CHD1: variants seen among roughly 807,000 people sequenced by gnomAD.
CHD1 encodes the protein chromodomain helicase DNA binding protein 1.
In CHD1, 36 loss-of-function variants were observed where a neutral mutation model predicts 224.2. The ratio of observed to expected loss-of-function variants is 0.16; its 90% CI spans 0.12 to 0.21. CHD1 has a LOEUF of 0.21. Among genes scored for constraint, CHD1 ranks in the 10% least tolerant of loss-of-function variants. CHD1 has a pLI of 1.00. For missense variants in CHD1, 1,378 were observed against 1,994.8 expected, an observed-to-expected ratio of 0.69 and a Z score of 5.89; for synonymous variants, 668 against 658.3, an observed-to-expected ratio of 1.01 and a Z score of -0.23.
At chr5:98,926,249 T>G in intron 2 of CHD1, 85 bp downstream of exon 2, 1 of 854,620 alleles carries the variant, frequency 1.2e-6, no homozygotes, top group East Asian at 2.8e-5. Context: ...TGAGGAAAAC[T>G]AAATAACAAC....
At chr5:98,887,242 T>C (rs1300604416) in intron 17 of CHD1, among the ~76,000 whole-genome samples, 1 of 152,180 alleles carries the variant, frequency 6.6e-6, no homozygotes, top group Non-Finnish European at 1.5e-5. Context: ...TTCTCAATGA[T>C]ATTCCTATCA....
chr5:98,878,180 G>C (rs1323221810), intron 23 of CHD1, among the ~76,000 whole-genome samples: 1 of 152,116 alleles, frequency 6.6e-6, no homozygotes, highest in Admixed American at 6.5e-5. Flanking sequence ...ACTTTGCCAC[G>C]AACTTCCACC....
chr5:98,885,465 C>T (rs1269827462), intron 18 of CHD1, 113 bp downstream of exon 18: 2 of 719,408 alleles, frequency 2.8e-6, no homozygotes, highest in Non-Finnish European at 4.7e-6. Context: ...GTGGCTAACA[C>T]CACTCTTTTT....
intron 2 of CHD1, among the ~76,000 whole-genome samples, chr5:98,907,867 T>A (rs1362965541): frequency 1.3e-5 from 2 of 151,968 alleles, no homozygotes; most frequent in African/African-American, 4.8e-5. Context: ...ATTACGTAAA[T>A]GTTTTACATG....
chr5:98,906,254 G>A (rs1404027495), intron 2 of CHD1, among the ~76,000 whole-genome samples: 1 of 152,092 alleles, frequency 6.6e-6, no homozygotes, highest in Non-Finnish European at 1.5e-5. Flanking sequence ...TGTATTCATA[G>A]AAACAGTAAA....
chr5:98,911,350 G>C (rs762194077), intron 2 of CHD1, among the ~76,000 whole-genome samples: 58 of 151,742 alleles, frequency 3.8e-4, no homozygotes, highest in Middle Eastern at 3.4e-3. Flanking sequence ...CAGACACACA[G>C]AGGAGGGCTC....
At position 98,875,098 on chromosome 5, in the gene CHD1, A is replaced by G; in HGVS notation, c.3414T>C (p.Tyr1138=). The G allele has an allele frequency of 2.6e-6, 4 of 1,512,360 alleles. No homozygotes were observed. Among genetic ancestry groups the G allele is most frequent in the Non-Finnish European group, 3.7e-6 (4 of 1,094,076 alleles). 93.7% of individuals were successfully genotyped at this position (1,512,360 alleles called of 1,614,324 possible). The change falls in exon 25 of 36, where the codon TAT becomes TAC. Residue 1138 remains tyrosine, a synonymous_variant. Coordinates refer to ENST00000614616, the MANE Select transcript of CHD1 (RefSeq NM_001270.4). ...TTTCCAGAGGACCACCAAATTTCTT[A>G]TAGCTCTTGATAAACCTAAGAGAAA... is the stretch of plus-strand genomic sequence containing the variant. ...DAEIRRFIKS[Y]KKFGGPLERL...
intron 2 of CHD1, among the ~76,000 whole-genome samples, chr5:98,921,291 C>G (rs562944455): frequency 3.3e-5 from 5 of 152,290 alleles, no homozygotes; most frequent in Admixed American, 3.3e-4. Flanking sequence ...TAGTCCTGCT[C>G]AAGACACAAT....
chr5:98,859,864 A>T, intron 33 of CHD1, 108 bp downstream of exon 33: 1 of 572,544 alleles, frequency 1.7e-6, no homozygotes, highest in South Asian at 2.6e-5. Context: ...GTGATTTTTT[A>T]AATTTATCTT....
intron 32 of CHD1, 36 bp downstream of exon 32, chr5:98,863,372 A>G (rs762002945): frequency 7.9e-7 from 1 of 1,260,484 alleles, no homozygotes; most frequent in East Asian, 2.6e-5. Context: ...GTTATATAAT[A>G]TAAATTTAAC....
At chr5:98,888,044 G>T (rs1312819876) in intron 17 of CHD1, 44 bp downstream of exon 17, 1 of 1,290,178 alleles carries the variant, frequency 7.8e-7, no homozygotes, top group Non-Finnish European at 1.1e-6. Flanking sequence ...ATATGCACAG[G>T]AATTAGATAA....
chr5:98,859,004 A>T lies in CHD1; in HGVS notation c.4536T>A (p.Asp1512Glu). ...CGTGAGGATTCAAGTTGCTGTTTTGATCACTGTTTTGCTAAAATAAATGCA... is the reference window on the plus strand; with the variant it reads ...CGTGAGGATTCAAGTTGCTGTTTTGTTCACTGTTTTGCTAAAATAAATGCA... ...KKRQESQQNSDQNSNLNPHVI... is the reference protein window; with the variant it reads ...KKRQESQQNSEQNSNLNPHVI... Residue 1512 changes from aspartate (D) to glutamate (E), a missense_variant, in exon 34 of 36, where the codon GAT (aspartate) becomes GAA (glutamate). Around this residue, in one of 16 missense-constraint regions of CHD1, gnomAD observed 278 missense variants for 298.5 expected, o/e 0.93. Coordinates refer to ENST00000614616, the MANE Select transcript of CHD1 (RefSeq NM_001270.4). 6.3e-7 allele frequency: 1 copy of T among 1,578,524 alleles called. No individual in the cohort carries two copies. The highest frequency in any genetic ancestry group is 8.6e-7 in the Non-Finnish European group (1 of 1,168,374).
chr5:98,868,991 A>AT (rs113250395), intron 30 of CHD1: 66,492 of 815,022 alleles, frequency 0.082, 3,953 homozygotes, highest in African/African-American at 0.27. Flanking sequence ...TACTTTCTAC[A>AT]TTTTTTATTA....
rs1197124542 is a variant in CHD1 at position 98,898,434 on chromosome 5, G to A, written c.1187C>T (p.Ala396Val). 73 of 1,557,194 alleles carry A rather than the reference G, an allele frequency of 4.7e-5. No homozygotes were observed. The highest frequency in any genetic ancestry group is 5.9e-5 in the Non-Finnish European group (69 of 1,160,530). ...KQYQIVERII[A>V]HSNQKSAAGY... ...AGCTGCTGACTTTTGATTGGAATGA[G>A]CTGTGAGAGAATCAGGCATTTACTT... The change falls in exon 10 of 36, where the codon GCT (alanine) becomes GTT (valine). Residue 396 changes from alanine to valine, a missense_variant and splice_region_variant. This residue lies in a region of CHD1 where 13 missense variants were observed against 23.3 expected (regional missense o/e 0.56). Coordinates refer to ENST00000614616, the MANE Select transcript of CHD1 (RefSeq NM_001270.4).
At chr5:98,876,697 G>A (rs948767247) in intron 23 of CHD1, 139 bp from the exon 24 acceptor site, 1 of 699,720 alleles carries the variant, frequency 1.4e-6, no homozygotes, top group East Asian at 2.7e-5. Flanking sequence ...AAATTAAAGA[G>A]CAAACAGAGA....
At chr5:98,896,848 C>A (rs1751375181) in intron 11 of CHD1, among the ~76,000 whole-genome samples, 2 of 144,950 alleles carry the variant, frequency 1.4e-5, no homozygotes, top group African/African-American at 5.1e-5. Flanking sequence ...GAGTGGGGGC[C>A]ATAGAAGATA....
Position 98,876,482 on chromosome 5 carries a change from T to G in CHD1, c.3314A>C (p.Glu1105Ala). Residue 1105 changes from glutamate to alanine, a missense_variant, in exon 24 of 36, where the codon GAA (glutamate) becomes GCA (alanine). By Grantham distance (107) the Glu-to-Ala change is moderately radical (BLOSUM62 -1). This residue lies in a region of CHD1 where 286 missense variants were observed against 445.1 expected (regional missense o/e 0.64). Transcript: ENST00000614616. The part of the protein sequence containing the change: ...YSGSDSDSIS[E>A]GKRPKKRGRP... The stretch of plus-strand genomic sequence containing the variant: ...TCCACGTTTCTTTGGCCTTTTCCCT[T>G]CTGAGATGGAATCACTATCAGATCC... 6.2e-7 allele frequency: 1 copy of G among 1,614,074 alleles called. No homozygotes were observed. The highest frequency in any genetic ancestry group is 8.5e-7 in the Non-Finnish European group (1 of 1,179,932).
intron 2 of CHD1, among the ~76,000 whole-genome samples, chr5:98,911,398 T>A (rs1752414323): frequency 6.6e-6 from 1 of 151,790 alleles, no homozygotes; most frequent in Non-Finnish European, 1.5e-5. Context: ...AGGGTATTAG[T>A]CTTAGAAAAC....
intron 2 of CHD1, among the ~76,000 whole-genome samples, chr5:98,923,717 G>A (rs562417984): frequency 6.6e-6 from 1 of 152,024 alleles, no homozygotes; most frequent in Non-Finnish European, 1.5e-5. Context: ...CCGGCCACAA[G>A]GTTTAATTTT....
Sources: allele counts gnomAD v4.1 joint callset (sites outside exome capture counted in the v4.1 genomes callset), GRCh38; gene constraint gnomAD v4.1.1; regional missense constraint gnomAD v4.1.1; transcripts MANE v1.5; gene names NCBI Gene and HGNC (gene_info 2026-07-23, HGNC 2026-07-21).